The following EXOC4 variants were observed in gnomAD, a reference collection of about 807,000 sequenced individuals.
EXOC4 encodes SEC8-like 1.
In EXOC4, 71 loss-of-function variants were observed where a neutral mutation model predicts 107.2. That is an observed-to-expected ratio of 0.66 (90% CI 0.55 to 0.81). The LOEUF is 0.81. EXOC4 is among the 30% of genes least tolerant of loss of function. The pLI, the probability that EXOC4 is intolerant of heterozygous loss-of-function variation, is 0.00. For missense variants in EXOC4, 1,108 were observed against 1,189.6 expected (o/e 0.93, Z 1.01); for synonymous variants, 456 against 441.2 (o/e 1.03, Z -0.42).
chr7:133,671,195 T>G (rs1793936867), intron 10 of EXOC4, among the ~76,000 whole-genome samples: 1 of 152,176 alleles, frequency 6.6e-6, no homozygotes, highest in Admixed American at 6.5e-5. Flanking sequence ...ACTTTGAATT[T>G]TATCCACAGT....
chr7:133,484,016 CG>C, intron 9 of EXOC4: 2 of 1,613,834 alleles, frequency 1.2e-6, no homozygotes, highest in Non-Finnish European at 1.7e-6. Flanking sequence ...TCGGTTCATA[CG>C]TCAACTTTTC....
At chr7:134,020,042 C>T (rs1289124288) in intron 17 of EXOC4, among the ~76,000 whole-genome samples, 2 of 152,064 alleles carry the variant, frequency 1.3e-5, no homozygotes, top group Non-Finnish European at 2.9e-5. Context: ...CACTTAGACC[C>T]GAGACCACTC....
chr7:133,540,638 G>T (rs1243430074), intron 9 of EXOC4, among the ~76,000 whole-genome samples: 3 of 152,086 alleles, frequency 2.0e-5, no homozygotes, highest in Non-Finnish European at 4.4e-5. Context: ...TGTGTGTCCT[G>T]GTAAATTGTT....
chr7:134,001,008 C>T (rs138744995), intron 15 of EXOC4, among the ~76,000 whole-genome samples: 23 of 152,206 alleles, frequency 1.5e-4, no homozygotes, highest in Admixed American at 3.9e-4. Flanking sequence ...GTTGAAGGAT[C>T]CATCTAAGGA....
At chr7:133,784,903 T>C (rs147759564) in intron 10 of EXOC4, among the ~76,000 whole-genome samples, 98 of 152,312 alleles carry the variant, frequency 6.4e-4, no homozygotes, top group East Asian at 6.4e-3. Context: ...ATTAACTGCT[T>C]GGCTGCTGGT....
At chr7:133,625,926 G>GCCAGCGA (rs1802442720) in intron 9 of EXOC4, among the ~76,000 whole-genome samples, 1 of 152,114 alleles carries the variant, frequency 6.6e-6, no homozygotes, top group African/African-American at 2.4e-5. Flanking sequence ...AAGGCTCCTG[G>GCCAGCGA]CCAGCGACGG....
At chr7:133,787,960 TATTTATA>T (rs1562997566) in intron 10 of EXOC4, among the ~76,000 whole-genome samples, 1 of 12,984 alleles carries the variant, frequency 7.7e-5, no homozygotes, top group African/African-American at 2.1e-4. Flanking sequence ...TATATTTATA[TATTTATA>T]TATATATATA....
chr7:133,274,231 A>G (rs1016645327), intron 1 of EXOC4, among the ~76,000 whole-genome samples: 1 of 152,246 alleles, frequency 6.6e-6, no homozygotes, highest in Admixed American at 6.5e-5. Flanking sequence ...TAGAATTAAT[A>G]TGACCTTATT....
At chr7:133,887,467 C>T (rs1387324805) in intron 11 of EXOC4, among the ~76,000 whole-genome samples, 4 of 152,054 alleles carry the variant, frequency 2.6e-5, no homozygotes, top group East Asian at 1.9e-4. Flanking sequence ...TTCAGAAAGA[C>T]GAAATACACC....
At chr7:133,821,559 G>A (rs562118510) in intron 11 of EXOC4, among the ~76,000 whole-genome samples, 111 of 152,174 alleles carry the variant, frequency 7.3e-4, no homozygotes, top group African/African-American at 2.6e-3. Flanking sequence ...ATATCTTTGT[G>A]GGTTTTAACA....
At chr7:133,536,874 C>T (rs1479957319) in intron 9 of EXOC4, among the ~76,000 whole-genome samples, 9 of 151,954 alleles carry the variant, frequency 5.9e-5, no homozygotes, top group African/African-American at 9.7e-5. Context: ...AGGAAGTAGA[C>T]GGGGCAAAAG....
intron 10 of EXOC4, among the ~76,000 whole-genome samples, chr7:133,780,023 C>T (rs966149377): frequency 6.6e-5 from 10 of 152,094 alleles, no homozygotes; most frequent in Admixed American, 5.9e-4. Flanking sequence ...GGAACAAACT[C>T]GGGACACACC....
intron 10 of EXOC4, among the ~76,000 whole-genome samples, chr7:133,792,382 G>A (rs1479426462): frequency 2.6e-5 from 4 of 151,788 alleles, no homozygotes; most frequent in Non-Finnish European, 5.9e-5. Context: ...GTGAGACCTC[G>A]TCTCTACCAA....
At chr7:133,521,467 T>C (rs1799978233) in intron 9 of EXOC4, among the ~76,000 whole-genome samples, 2 of 152,228 alleles carry the variant, frequency 1.3e-5, no homozygotes, top group Admixed American at 1.3e-4. Flanking sequence ...TTAACACTTA[T>C]TTATTTCTGT....
intron 10 of EXOC4, among the ~76,000 whole-genome samples, chr7:133,675,070 C>T (rs1359284526): frequency 2.6e-5 from 4 of 152,048 alleles, no homozygotes; most frequent in Admixed American, 2.0e-4. Context: ...GCATATAATG[C>T]TTAATTTCTT....
intron 11 of EXOC4, among the ~76,000 whole-genome samples, chr7:133,855,116 T>TAA (rs1358340644): frequency 5.0e-5 from 4 of 79,588 alleles, no homozygotes; most frequent in Admixed American, 1.4e-4. Context: ...TATATATAAA[T>TAA]ATATATATAT....
At chr7:133,922,289 G>A (rs915709198) in intron 13 of EXOC4, among the ~76,000 whole-genome samples, 2 of 152,170 alleles carry the variant, frequency 1.3e-5, no homozygotes, top group African/African-American at 4.8e-5. Context: ...GCAACAAAGT[G>A]CCTTCTCGTC....
intron 9 of EXOC4, among the ~76,000 whole-genome samples, chr7:133,571,676 A>G (rs1801026806): frequency 7.7e-6 from 1 of 129,180 alleles, no homozygotes; most frequent in South Asian, 2.4e-4. Context: ...CTTTGCCTCA[A>G]AGCAAAAAAA....
intron 5 of EXOC4, among the ~76,000 whole-genome samples, chr7:133,333,887 A>G (rs964129658): frequency 2.0e-5 from 3 of 152,238 alleles, no homozygotes; most frequent in Non-Finnish European, 4.4e-5. Context: ...CTAACCAATG[A>G]AAAACAATTC....
Sources: gnomAD v4.1 joint callset for allele counts (sites outside exome capture counted in the v4.1 genomes callset) on GRCh38, gnomAD v4.1.1 for gene constraint, MANE v1.5 for transcripts, NCBI Gene and HGNC (gene_info 2026-07-23, HGNC 2026-07-21) for gene names.